RHPN2: variants seen among roughly 807,000 people sequenced by gnomAD.
RHPN2 encodes rhophilin Rho GTPase binding protein 2.
A neutral mutation model predicts 79.0 loss-of-function variants in RHPN2; 40 were observed. That is an observed-to-expected ratio of 0.51 (90% confidence interval 0.39 to 0.66). The LOEUF is 0.66. Ranked by LOEUF, RHPN2 falls within the 30% of genes least tolerant of loss-of-function variation. RHPN2 has a pLI of 0.00. For missense variants in RHPN2, 686 were observed against 883.5 expected (o/e 0.78, Z 2.83); for synonymous variants, 285 against 363.5 (o/e 0.78, Z 2.46).
chr19:32,995,997 A>C (rs1971697485), intron 11 of RHPN2, 29 bp downstream of exon 11: 5 of 1,612,880 alleles, frequency 3.1e-6, no homozygotes, highest in Non-Finnish European at 4.2e-6. Flanking sequence ...AGGCACCCCC[A>C]CAGAGGGAAC....
At chr19:33,018,458 T>G (rs1204185583) in intron 4 of RHPN2, among the ~76,000 whole-genome samples, 1 of 152,166 alleles carries the variant, frequency 6.6e-6, no homozygotes, top group Non-Finnish European at 1.5e-5. Context: ...CATGAGCCAT[T>G]GCATCTGGGC....
intron 4 of RHPN2, among the ~76,000 whole-genome samples, chr19:33,015,714 A>C (rs1260941560): frequency 6.6e-6 from 1 of 152,204 alleles, no homozygotes; most frequent in Non-Finnish European, 1.5e-5. Flanking sequence ...AAGAAAAGTC[A>C]ATATTCTTCC....
chr19:33,041,355 G>A (rs924932422), intron 2 of RHPN2, among the ~76,000 whole-genome samples: 3 of 152,200 alleles, frequency 2.0e-5, no homozygotes, highest in East Asian at 3.9e-4. Context: ...GGACACTGAG[G>A]GGCCAGAGCG....
chr19:33,029,887 C>T (rs1197747823), intron 2 of RHPN2, among the ~76,000 whole-genome samples: 2 of 152,190 alleles, frequency 1.3e-5, no homozygotes, highest in South Asian at 2.1e-4. Context: ...GTGCTTAACT[C>T]CCCCAGCAAA....
intron 5 of RHPN2, 135 bp downstream of exon 5, chr19:33,012,512 T>C (rs1971843388): frequency 1.3e-6 from 1 of 744,234 alleles, no homozygotes; most frequent in East Asian, 2.5e-5. Context: ...GCAAGTGGAA[T>C]GGATGATTCC....
At chr19:33,043,329 T>G (rs890604532) in intron 2 of RHPN2, among the ~76,000 whole-genome samples, 2 of 151,828 alleles carry the variant, frequency 1.3e-5, no homozygotes, top group Non-Finnish European at 1.5e-5. Flanking sequence ...GGCAGACGGA[T>G]CACTTGAGGC....
chr19:33,048,114 G>C (rs1972156739), intron 1 of RHPN2, among the ~76,000 whole-genome samples: 1 of 151,816 alleles, frequency 6.6e-6, no homozygotes, highest in African/African-American at 2.4e-5. Flanking sequence ...GGAGTGCAGT[G>C]GTACGATCTC....
intron 7 of RHPN2, among the ~76,000 whole-genome samples, chr19:33,005,607 C>CA (rs576054331): frequency 0.4 from 24,881 of 62,190 alleles, 3,289 homozygotes; most frequent in Non-Finnish European, 0.44. Context: ...TGTTGCTGAG[C>CA]AAAAAAAAAA....
chr19:33,054,700 C>T (rs917567972), intron 1 of RHPN2, among the ~76,000 whole-genome samples: 1 of 152,180 alleles, frequency 6.6e-6, no homozygotes, highest in Non-Finnish European at 1.5e-5. Context: ...ACCTGCAGTT[C>T]GACTGTGTCC....
intron 14 of RHPN2, among the ~76,000 whole-genome samples, 181 bp from the exon 15 acceptor site, chr19:32,980,437 ATC>A (rs1227009936): frequency 2.0e-5 from 3 of 151,984 alleles, no homozygotes; most frequent in Non-Finnish European, 2.9e-5. Context: ...GTGAAACCCC[ATC>A]TCTACTAAAA....
At chr19:33,014,434 G>A (rs1199358614) in intron 4 of RHPN2, among the ~76,000 whole-genome samples, 1 of 152,048 alleles carries the variant, frequency 6.6e-6, no homozygotes, top group Non-Finnish European at 1.5e-5. Context: ...GCCTCTCCAG[G>A]AGAGGGGACT....
chr19:33,045,057 T>TTTC (rs1438448229), intron 1 of RHPN2, among the ~76,000 whole-genome samples: 4 of 150,268 alleles, frequency 2.7e-5, no homozygotes, highest in African/African-American at 4.9e-5. Flanking sequence ...CTACTTTTTT[T>TTTC]TTTTTTTTTT....
intron 1 of RHPN2, among the ~76,000 whole-genome samples, chr19:33,058,717 T>C (rs894385062): frequency 2.0e-5 from 3 of 151,608 alleles, no homozygotes; most frequent in African/African-American, 4.8e-5. Context: ...GAGGCGGAGG[T>C]TGCAGTGAGC....
intron 12 of RHPN2, among the ~76,000 whole-genome samples, chr19:32,992,973 T>C (rs1288099708): frequency 2.0e-5 from 3 of 151,288 alleles, no homozygotes; most frequent in Non-Finnish European, 1.5e-5. Flanking sequence ...TGAAAATTAG[T>C]TGGACATGGT....
chr19:32,982,604 C>T (rs1240678021), intron 14 of RHPN2, among the ~76,000 whole-genome samples: 1 of 152,004 alleles, frequency 6.6e-6, no homozygotes, highest in Non-Finnish European at 1.5e-5. Context: ...AACGAATAAT[C>T]CTGGAGACAG....
At chr19:32,983,126 A>G (rs1488630229) in intron 14 of RHPN2, among the ~76,000 whole-genome samples, 4 of 141,936 alleles carry the variant, frequency 2.8e-5, no homozygotes, top group African/African-American at 5.3e-5. Context: ...CATTCTTTGA[A>G]AAGCTTTTCT....
chr19:32,996,225 A>C lies in RHPN2; in HGVS notation c.1226-5T>G, dbSNP rs1372238775. The C allele has an allele frequency of 6.2e-7, 1 of 1,614,118 alleles. No individual in the cohort carries two copies. ...CTCTGCGCAAGTGGGACTTCCCTGC[A>C]GACGGAAGCCAGCACCCACGTGACT... On this transcript the variant is annotated splice_region_variant and splice_polypyrimidine_tract_variant and intron_variant, in intron 10 of 14. Coordinates refer to ENST00000254260, the MANE Select transcript of RHPN2 (RefSeq NM_033103.5).
chr19:33,011,467 CCA>C lies in RHPN2; in HGVS notation c.593+210_593+211del, dbSNP rs572441682. On this transcript the variant is annotated intron_variant, in intron 6 of 14. Coordinates refer to ENST00000254260, the MANE Select transcript of RHPN2 (RefSeq NM_033103.5). ...CTCGCTTGTTCTGAGAAGCAAGAGG[CCA>C]CAGTCTGTTGGAGCCATCTCCCCTC... is the stretch of plus-strand genomic sequence containing the variant. Among the ~76,000 whole-genome samples, 145 of 152,244 alleles carry C rather than the reference CCA, an allele frequency of 9.5e-4. 1 individual carries two copies. Among genetic ancestry groups the C allele is most frequent in the African/African-American group, 3.3e-3 (137 of 41,548 alleles).
In RHPN2 at chr19:33,036,760, C is replaced by G. The variant is rs1194440926; in HGVS notation, c.185+7489G>C. ...CGACGTCCGGCCCGCTGGCCCCGGG[C>G]AGTGAGGGGCTTAGCACCTGGGCCA... On this transcript the variant is annotated intron_variant, in intron 2 of 14. Transcript: ENST00000254260. Among the ~76,000 whole-genome samples the G allele has an allele frequency of 4.6e-5, 7 of 152,294 alleles. No homozygotes were observed. The East Asian group carries it at 1.4e-3, about 29-fold the overall frequency.
Sources: allele counts gnomAD v4.1 joint callset (sites outside exome capture counted in the v4.1 genomes callset), GRCh38; gene constraint gnomAD v4.1.1; transcripts MANE v1.5; gene names NCBI Gene and HGNC (gene_info 2026-07-23, HGNC 2026-07-21).